Variants in FAP observed in about 807,000 individuals in gnomAD.
The protein encoded by FAP is prolyl endopeptidase FAP.
A neutral mutation model predicts 126.5 loss-of-function variants in FAP; 110 were observed. The observed-to-expected ratio is 0.87, with a 90% CI of 0.74 to 1.02. The LOEUF (loss-of-function observed/expected upper bound fraction) is 1.02. FAP is among the 50% of genes least tolerant of loss of function. The pLI is 0.00. For missense variants in FAP, 919 were observed against 909.2 expected, an observed-to-expected ratio of 1.01 and a Z score of -0.14; for synonymous variants, 334 against 297.3, an observed-to-expected ratio of 1.12 and a Z score of -1.27.
intron 4 of FAP, among the ~76,000 whole-genome samples, chr2:162,224,778 A>G (rs1301092278): frequency 1.3e-5 from 2 of 152,200 alleles, no homozygotes; most frequent in Non-Finnish European, 2.9e-5. Flanking sequence ...TAAACTTTCT[A>G]AGGAGTAACA....
chr2:162,242,759 C>T (rs2106311427), intron 2 of FAP, 149 bp downstream of exon 2: 1 of 625,566 alleles, frequency 1.6e-6, no homozygotes, highest in East Asian at 2.8e-5. Flanking sequence ...TGCACAACAA[C>T]ATATCTGTGA....
At position 162,223,653 on chromosome 2, in the gene FAP, C is replaced by A; in HGVS notation, c.368G>T (p.Arg123Ile). The A allele has an allele frequency of 6.2e-7, 1 of 1,609,212 alleles. No homozygotes were observed. The highest frequency in any genetic ancestry group is 1.1e-5 in the South Asian group (1 of 90,840). ...YLESDYSKLW[R>I]YSYTATYYIY... ...GTAATATGTTGCTGTGTAAGAGTAT[C>A]TCCAAAGCTGTCAGAAAGAAGAAAG... The change falls in exon 6 of 26, where the codon AGA (arginine) becomes ATA (isoleucine). Residue 123 changes from arginine (R) to isoleucine (I), a missense_variant. Physicochemically the swap from Arg to Ile is moderately conservative, Grantham distance 97 (BLOSUM62 -3). Coordinates refer to ENST00000188790, the MANE Select transcript of FAP (RefSeq NM_004460.5).
intron 5 of FAP, 121 bp from the exon 6 acceptor site, chr2:162,223,781 G>A: frequency 1.5e-6 from 1 of 652,106 alleles, no homozygotes; most frequent in Non-Finnish European, 2.8e-6. Flanking sequence ...CTTTCACAAG[G>A]CACTAGGAAG....
At chr2:162,190,782 A>AAG (rs1446444700) in intron 17 of FAP, among the ~76,000 whole-genome samples, 1 of 152,066 alleles carries the variant, frequency 6.6e-6, no homozygotes, top group Non-Finnish European at 1.5e-5. Flanking sequence ...GTGGTCTCTG[A>AAG]AGAGAGAGAG....
At chr2:162,233,225 C>T (rs1485072451) in intron 2 of FAP, among the ~76,000 whole-genome samples, 1 of 152,166 alleles carries the variant, frequency 6.6e-6, no homozygotes, top group East Asian at 1.9e-4. Context: ...CCAAATTTCT[C>T]CAAGTAAATG....
At chr2:162,186,510 T>C (rs1335217572) in intron 20 of FAP, among the ~76,000 whole-genome samples, 5 of 152,076 alleles carry the variant, frequency 3.3e-5, no homozygotes, top group Non-Finnish European at 7.4e-5. Context: ...GTTCAAATGG[T>C]GCATCTGTGG....
At position 162,173,749 on chromosome 2, in the gene FAP, T is replaced by C. The variant is rs1249821340; in HGVS notation, c.2008A>G (p.Lys670Glu). Residue 670 changes from lysine to glutamate, a missense_variant, in exon 23 of 26, where the codon AAG (lysine) becomes GAG (glutamate). Coordinates refer to ENST00000188790, the MANE Select transcript of FAP (RefSeq NM_004460.5). The part of the protein sequence containing the change: ...YTERFMGLPT[K>E]DDNLEHYKNS... ...TTATAGTGCTCAAGATTATCATCCT[T>C]TGTTGGGAGACCCATGAATCTCTCT... is the stretch of plus-strand genomic sequence containing the variant. The C allele has an allele frequency of 1.2e-6, 2 of 1,605,352 alleles. No homozygotes were observed. The highest frequency in any genetic ancestry group is 1.7e-6 in the Non-Finnish European group (2 of 1,172,370).
chr2:162,200,674 G>A, intron 14 of FAP, 55 bp from the exon 15 acceptor site: 3 of 813,572 alleles, frequency 3.7e-6, no homozygotes, highest in Non-Finnish European at 5.9e-6. Context: ...TAATAGGATT[G>A]TTAGTATTAA....
At chr2:162,225,152 C>T (rs1459982750) in intron 4 of FAP, among the ~76,000 whole-genome samples, 2 of 152,122 alleles carry the variant, frequency 1.3e-5, no homozygotes, top group East Asian at 1.9e-4. Flanking sequence ...AGTAAGATTG[C>T]TGTAGTGAAA....
At chr2:162,226,668 A>G (rs1232403936) in intron 2 of FAP, 47 bp from the exon 3 acceptor site, 2 of 1,018,992 alleles carry the variant, frequency 2.0e-6, no homozygotes, top group Non-Finnish European at 1.5e-6. Flanking sequence ...AAGGTTAACA[A>G]CTCAAATAAA....
intron 20 of FAP, chr2:162,183,683 GTTA>G: frequency 2.2e-6 from 1 of 453,836 alleles, no homozygotes; most frequent in Non-Finnish European, 3.9e-6. Flanking sequence ...CTGTTGTACA[GTTA>G]TTGACTGGTA....
At chr2:162,210,080 A>G (rs1688863628) in intron 11 of FAP, 84 bp from the exon 12 acceptor site, 9 of 1,184,438 alleles carry the variant, frequency 7.6e-6, no homozygotes, top group Non-Finnish European at 1.1e-5. Flanking sequence ...GAAACAGTTA[A>G]GCTGCCTGAT....
chr2:162,213,399 AC>A (rs1242072419), intron 11 of FAP, among the ~76,000 whole-genome samples: 15 of 150,828 alleles, frequency 9.9e-5, no homozygotes, highest in Admixed American at 3.3e-4. Flanking sequence ...AAACAAAAAA[AC>A]AAACAAAAAA....
rs557645383 is a variant in FAP at position 162,198,648 on chromosome 2, C to T, written c.1402+109G>A. 37 of 1,283,352 alleles carry T rather than the reference C, an allele frequency of 2.9e-5. No individual in the cohort carries two copies. The East Asian group carries it at 7.7e-4, about 27-fold the overall frequency. The allele number at this position is 1,283,352 out of a possible 1,614,324, so 79.5% of individuals were successfully genotyped here. A position where few individuals can be genotyped will look rare whatever the true frequency, so the allele number is the denominator to read the frequency against. On this transcript the variant is annotated intron_variant, in intron 16 of 25. Coordinates refer to ENST00000188790, the MANE Select transcript of FAP (RefSeq NM_004460.5). ...CTATAAGCACAAGATAAGATTCTTA[C>T]ATATAACAAATGCTCATTAACTGTA...
intron 16 of FAP, chr2:162,197,743 G>A (rs546244165): frequency 2.8e-5 from 12 of 423,564 alleles, no homozygotes; most frequent in African/African-American, 2.5e-4. Flanking sequence ...CTCTGCAACT[G>A]AATAGGGATA....
At chr2:162,177,777 C>G (rs557362559) in intron 21 of FAP, among the ~76,000 whole-genome samples, 2 of 152,116 alleles carry the variant, frequency 1.3e-5, no homozygotes. Context: ...TTTGTCTGTC[C>G]TGTCAATGAA....
chr2:162,235,007 C>T (rs1344087889), intron 2 of FAP, among the ~76,000 whole-genome samples: 1 of 152,138 alleles, frequency 6.6e-6, no homozygotes, highest in African/African-American at 2.4e-5. Flanking sequence ...GGAGGGCGAA[C>T]CGGGTCCCCT....
At chr2:162,174,389 C>T (rs1295066219) in intron 22 of FAP, among the ~76,000 whole-genome samples, 1 of 152,110 alleles carries the variant, frequency 6.6e-6, no homozygotes, top group Non-Finnish European at 1.5e-5. Flanking sequence ...AATCATCCTG[C>T]ATTGATGTAA....
At chr2:162,211,273 G>A (rs768231347) in intron 11 of FAP, among the ~76,000 whole-genome samples, 16 of 152,216 alleles carry the variant, frequency 1.1e-4, no homozygotes, top group South Asian at 4.2e-4. Flanking sequence ...CTAGGTTCCC[G>A]AATGACTATA....
Sources: gnomAD v4.1 joint callset for allele counts (sites outside exome capture counted in the v4.1 genomes callset) on GRCh38, gnomAD v4.1.1 for gene constraint, MANE v1.5 for transcripts, NCBI Gene and HGNC (gene_info 2026-07-23, HGNC 2026-07-21) for gene names.